The following METRN variants were observed in gnomAD, a reference collection of about 807,000 sequenced individuals.
The protein encoded by METRN is meteorin, glial cell differentiation regulator.
A neutral mutation model predicts 17.4 loss-of-function variants in METRN; 17 were observed. The ratio of observed to expected loss-of-function variants is 0.98; its 90% CI spans 0.67 to 1.46. The LOEUF is 1.46. METRN is among the 40% of genes most tolerant of loss of function. The pLI, the probability that METRN is intolerant of heterozygous loss-of-function variation, is 0.00. For missense variants in METRN, 489 were observed against 456.2 expected (o/e 1.07, Z -0.65); for synonymous variants, 230 against 210.8 (o/e 1.09, Z -0.79).
intron 1 of METRN, 85 bp downstream of exon 1, chr16:715,478 C>T: frequency 1.6e-6 from 2 of 1,255,570 alleles, no homozygotes; most frequent in South Asian, 2.6e-5. Context: ...GCGCGCAGAG[C>T]GCTGGGCCGG....
rs746563189 is a variant in METRN, at chr16:717,307, C to A, written c.802C>A (p.Pro268Thr). Residue 268 changes from proline (P) to threonine (T), a missense_variant, in exon 4 of 4, where the codon CCA becomes ACA. Transcript: ENST00000568223. ...TGGGGAGGCCCGGCTGGGCTGTGCCCCACGATTCCAGGAGTTCCGCCGTGC... is the reference window on the plus strand; with the variant it reads ...TGGGGAGGCCCGGCTGGGCTGTGCCACACGATTCCAGGAGTTCCGCCGTGC... Reference protein sequence around the residue: ...RFGEARLGCAPRFQEFRRAYE... With the variant: ...RFGEARLGCATRFQEFRRAYE... The A allele has an allele frequency of 6.6e-7, 1 of 1,520,876 alleles. No homozygotes were observed. Among genetic ancestry groups the A allele is most frequent in the Non-Finnish European group, 8.8e-7 (1 of 1,136,478 alleles). The allele number at this position is 1,520,876 out of a possible 1,614,324, so 94.2% of individuals were successfully genotyped here. A position where few individuals can be genotyped will look rare whatever the true frequency, so the allele number is the denominator to read the frequency against.
Position 715,381 on chromosome 16 carries a change from G to C in METRN, c.92G>C (p.Ser31Thr). The C allele has an allele frequency of 7.5e-7, 1 of 1,330,498 alleles. No homozygotes were observed. Among genetic ancestry groups the C allele is most frequent in the Non-Finnish European group, 9.6e-7 (1 of 1,042,302 alleles). 82.4% of individuals were successfully genotyped at this position (1,330,498 alleles called of 1,614,324 possible). A position where few individuals can be genotyped will look rare whatever the true frequency, so the allele number is the denominator to read the frequency against. The change falls in exon 1 of 4, where the codon AGC (serine) becomes ACC (threonine). Residue 31 changes from serine to threonine, a missense_variant. Transcript: ENST00000568223. The stretch of plus-strand genomic sequence containing the variant: ...GCCGGCTACTCCGAGGAGCGCTGCA[G>C]CTGGAGGGGCAGGTACGGTCCGGGG... ...ARAGYSEERC[S>T]WRGSGLTQEP...
chr16:715,535 G>A (rs1260328606), intron 1 of METRN, 49 bp from the exon 2 acceptor site: 15 of 1,287,960 alleles, frequency 1.2e-5, no homozygotes, highest in African/African-American at 3.1e-5. Flanking sequence ...GGGCTGCGCC[G>A]GGCGGGGACC....
intron 2 of METRN, 65 bp downstream of exon 2, chr16:716,049 G>T: frequency 7.3e-7 from 1 of 1,376,636 alleles, no homozygotes; most frequent in Non-Finnish European, 9.4e-7. Flanking sequence ...GGGCTTGGCG[G>T]GAATGTGCCT....
Position 715,918 on chromosome 16 carries a change from C to A in METRN, c.439C>A (p.Arg147Ser). The A allele has an allele frequency of 6.7e-7, 1 of 1,481,656 alleles. No individual in the cohort carries two copies. Among genetic ancestry groups the A allele is most frequent in the East Asian group, 2.9e-5 (1 of 34,048 alleles). 91.8% of individuals were successfully genotyped at this position (1,481,656 alleles called of 1,614,324 possible). The stretch of plus-strand genomic sequence containing the variant: ...CATCAGCCGCCGCGTGGCCGCCTTC[C>A]GCTTTGAGCTGCGCGAGGACGGGCG... ...QDISRRVAAF[R>S]FELREDGRPE... Residue 147 changes from arginine (R) to serine (S), a missense_variant, in exon 2 of 4, where the codon CGC becomes AGC. Physicochemically the swap from Arg to Ser is moderately radical, Grantham distance 110 (BLOSUM62 -1). Coordinates refer to ENST00000568223, the MANE Select transcript of METRN (RefSeq NM_024042.4).
Position 717,471 on chromosome 16 carries a change from G to C in METRN, c.*84G>C. The C allele has an allele frequency of 8.0e-7, 1 of 1,250,400 alleles. No individual in the cohort carries two copies. Among genetic ancestry groups the C allele is most frequent in the African/African-American group, 1.5e-5 (1 of 64,662 alleles). The allele number at this position is 1,250,400 out of a possible 1,614,324, so 77.5% of individuals were successfully genotyped here. A position where few individuals can be genotyped will look rare whatever the true frequency, so the allele number is the denominator to read the frequency against. ...TGATGGGACTATCAATAAGAACTCT[G>C]TTCACGCAAGCTGCTGTGGACCTGG... On this transcript the variant is annotated 3_prime_UTR_variant, in exon 4 of 4. Transcript: ENST00000568223.
intron 2 of METRN, chr16:716,240 C>G: frequency 1.0e-6 from 1 of 985,420 alleles, no homozygotes; most frequent in Non-Finnish European, 1.2e-6. Flanking sequence ...CAATCCTGGG[C>G]CTCTGGTCCC....
Position 715,370 on chromosome 16 carries a change from G to C in METRN, c.81G>C (p.Glu27Asp). 1 of 1,336,734 alleles carries C rather than the reference G, an allele frequency of 7.5e-7. No individual in the cohort carries two copies. Among genetic ancestry groups the C allele is most frequent in the Non-Finnish European group, 9.6e-7 (1 of 1,045,404 alleles). The allele number at this position is 1,336,734 out of a possible 1,614,324, so 82.8% of individuals were successfully genotyped here. A position where few individuals can be genotyped will look rare whatever the true frequency, so the allele number is the denominator to read the frequency against. The change falls in exon 1 of 4, where the codon GAG (glutamate) becomes GAC (aspartate). Residue 27 changes from glutamate (E) to aspartate (D), a missense_variant. Coordinates refer to ENST00000568223, the MANE Select transcript of METRN (RefSeq NM_024042.4). ...LAPAARAGYS[E>D]ERCSWRGSGL... is the part of the protein sequence containing the mutation. ...CGGCTGCCCGCGCCGGCTACTCCGA[G>C]GAGCGCTGCAGCTGGAGGGGCAGGT...
chr16:715,546 C>T (rs756944943), intron 1 of METRN, 38 bp from the exon 2 acceptor site: 3 of 1,292,660 alleles, frequency 2.3e-6, no homozygotes, highest in Non-Finnish European at 9.8e-7. Context: ...GGCGGGGACC[C>T]GCCCCCGTCT....
In METRN at chr16:715,183, G is replaced by A; in HGVS notation, c.-107G>A. On this transcript the variant is annotated 5_prime_UTR_variant, in exon 1 of 4. Transcript: ENST00000568223. The stretch of plus-strand genomic sequence containing the variant: ...GCCGCGGGCTTGGGGGCTTCGCCGG[G>A]GCCGGGCGGCCGGCGCCCCCGGCTG... 1 of 317,540 alleles carries A rather than the reference G, an allele frequency of 3.1e-6. No individual in the cohort carries two copies. The highest frequency in any genetic ancestry group is 4.5e-6 in the Non-Finnish European group (1 of 222,356). 19.7% of individuals were successfully genotyped at this position (317,540 alleles called of 1,614,324 possible).
chr16:716,224 G>A, intron 2 of METRN: 1 of 985,462 alleles, frequency 1.0e-6, no homozygotes, highest in Non-Finnish European at 1.2e-6. Flanking sequence ...GGGAGGCCGG[G>A]CCCAGCAATC....
intron 1 of METRN, 69 bp downstream of exon 1, chr16:715,462 C>T (rs2040152133): frequency 7.9e-7 from 1 of 1,260,664 alleles, no homozygotes; most frequent in Non-Finnish European, 1.0e-6. Flanking sequence ...CCAGGCGCCC[C>T]TCGGAGCGCG....
Position 715,817 on chromosome 16 carries a change from C to T in METRN, c.338C>T (p.Pro113Leu), listed in dbSNP as rs1310004121. The change falls in exon 2 of 4, where the codon CCG becomes CTG. Residue 113 changes from proline to leucine, a missense_variant. By Grantham distance (98) the Pro-to-Leu change is moderately conservative. Transcript: ENST00000568223. ...CTGCTGCTGGCCGAGGGCCCGGGCC[C>T]GGCAGGGGGCCGCTGCGTGCGCTGG... The part of the protein sequence containing the change: ...LELLLAEGPG[P>L]AGGRCVRWGP... 24 of 1,267,244 alleles carry T rather than the reference C, an allele frequency of 1.9e-5. No individual in the cohort carries two copies. Among genetic ancestry groups the T allele is most frequent in the South Asian group, 2.8e-5 (1 of 35,294 alleles). The allele number at this position is 1,267,244 out of a possible 1,614,324, so 78.5% of individuals were successfully genotyped here. A position where few individuals can be genotyped will look rare whatever the true frequency, so the allele number is the denominator to read the frequency against.
Position 715,931 on chromosome 16 carries a change from G to C in METRN, c.452G>C (p.Arg151Pro). 5.3e-6 allele frequency: 8 copies of C among 1,497,228 alleles called. No individual in the cohort carries two copies. The highest frequency in any genetic ancestry group is 7.1e-6 in the Non-Finnish European group (8 of 1,129,930). 92.7% of individuals were successfully genotyped at this position (1,497,228 alleles called of 1,614,324 possible). A position where few individuals can be genotyped will look rare whatever the true frequency, so the allele number is the denominator to read the frequency against. ...RRVAAFRFEL[R>P]EDGRPELPPQ... Reference sequence around the variant, plus strand: ...GTGGCCGCCTTCCGCTTTGAGCTGCGCGAGGACGGGCGCCCCGAGCTGCCC... The same window carrying C: ...GTGGCCGCCTTCCGCTTTGAGCTGCCCGAGGACGGGCGCCCCGAGCTGCCC... The change falls in exon 2 of 4, where the codon CGC (arginine) becomes CCC (proline). Residue 151 changes from arginine (R) to proline (P), a missense_variant. Coordinates refer to ENST00000568223, the MANE Select transcript of METRN (RefSeq NM_024042.4).
At position 719,204 on chromosome 16, in the gene METRN, C is replaced by T. The variant is rs1448302665; in HGVS notation, c.*1817C>T. On this transcript the variant is annotated 3_prime_UTR_variant, in exon 4 of 4. Coordinates refer to ENST00000568223, the MANE Select transcript of METRN (RefSeq NM_024042.4). ...CCTGAGCCTTGCACCTACAGACCCTCCCAGAGAAAGCCCTGGCTTTGCAAC... is the reference window on the plus strand; with the variant it reads ...CCTGAGCCTTGCACCTACAGACCCTTCCAGAGAAAGCCCTGGCTTTGCAAC... 2 of 152,294 alleles carry T rather than the reference C, an allele frequency of 1.3e-5. No individual in the cohort carries two copies. The highest frequency in any genetic ancestry group is 1.5e-5 in the Non-Finnish European group (1 of 68,094). 9.4% of individuals were successfully genotyped at this position (152,294 alleles called of 1,614,324 possible). A position where few individuals can be genotyped will look rare whatever the true frequency, so the allele number is the denominator to read the frequency against.
intron 2 of METRN, chr16:716,335 T>C: frequency 7.1e-7 from 1 of 1,402,434 alleles, no homozygotes; most frequent in Non-Finnish European, 9.2e-7. Context: ...AGCGGTGACC[T>C]CTCTCCCCTC....
rs1046559814 is a variant in METRN at position 715,371 on chromosome 16, G to T, written c.82G>T (p.Glu28Ter). 16 of 1,335,434 alleles carry T rather than the reference G, an allele frequency of 1.2e-5. No homozygotes were observed. Among genetic ancestry groups the T allele is most frequent in the Admixed American group, 3.9e-5 (1 of 25,862 alleles). 82.7% of individuals were successfully genotyped at this position (1,335,434 alleles called of 1,614,324 possible). A position where few individuals can be genotyped will look rare whatever the true frequency, so the allele number is the denominator to read the frequency against. ...GGCTGCCCGCGCCGGCTACTCCGAG[G>T]AGCGCTGCAGCTGGAGGGGCAGGTA... ...APAARAGYSE[E>*]RCSWRGSGLT... The change falls in exon 1 of 4, where the codon GAG becomes TAG. Residue 28 changes from glutamate to a stop codon, truncating the protein, a stop_gained. Coordinates refer to ENST00000568223, the MANE Select transcript of METRN (RefSeq NM_024042.4). LOFTEE classifies it high-confidence loss of function.
Position 717,436 on chromosome 16 carries a change from G to A in METRN, c.*49G>A, listed in dbSNP as rs759624201. On this transcript the variant is annotated 3_prime_UTR_variant, in exon 4 of 4. Coordinates refer to ENST00000568223, the MANE Select transcript of METRN (RefSeq NM_024042.4). The stretch of plus-strand genomic sequence containing the variant: ...TGGTAGGAGGGAGGGTGGGCCCACT[G>A]CTTTGGAGGTGATGGGACTATCAAT... 1 of 1,314,630 alleles carries A rather than the reference G, an allele frequency of 7.6e-7. No homozygotes were observed. The highest frequency in any genetic ancestry group is 9.9e-7 in the Non-Finnish European group (1 of 1,009,232). 81.4% of individuals were successfully genotyped at this position (1,314,630 alleles called of 1,614,324 possible). A position where few individuals can be genotyped will look rare whatever the true frequency, so the allele number is the denominator to read the frequency against.
In METRN at chr16:717,476, C is replaced by T. The variant is rs560716693; in HGVS notation, c.*89C>T. 5.1e-4 allele frequency: 625 copies of T among 1,231,344 alleles called. No homozygotes were observed. Among genetic ancestry groups the T allele is most frequent in the Non-Finnish European group, 6.0e-4 (571 of 944,508 alleles). 76.3% of individuals were successfully genotyped at this position (1,231,344 alleles called of 1,614,324 possible). A position where few individuals can be genotyped will look rare whatever the true frequency, so the allele number is the denominator to read the frequency against. On this transcript the variant is annotated 3_prime_UTR_variant, in exon 4 of 4. Coordinates refer to ENST00000568223, the MANE Select transcript of METRN (RefSeq NM_024042.4). ...GGACTATCAATAAGAACTCTGTTCA[C>T]GCAAGCTGCTGTGGACCTGGTCTCC...
Sources: allele counts gnomAD v4.1 joint callset, GRCh38; gene constraint gnomAD v4.1.1; transcripts MANE v1.5; gene names NCBI Gene and HGNC (gene_info 2026-07-23, HGNC 2026-07-21).